Variants in MGAT4C observed in about 807,000 individuals in gnomAD.
MGAT4C encodes MGAT4 family member C.
MGAT4C carries 19 observed loss-of-function variants against 40.1 expected under a neutral mutation model. The ratio of observed to expected loss-of-function variants is 0.47; its 90% CI spans 0.33 to 0.70. The LOEUF (loss-of-function observed/expected upper bound fraction) is 0.70, where lower values mean the gene tolerates loss of function less well. Ranked by LOEUF, MGAT4C falls within the 30% of genes least tolerant of loss-of-function variation. MGAT4C has a pLI of 0.02. For synonymous variants in MGAT4C, 181 were observed against 187.1 expected, an observed-to-expected ratio of 0.97 and a Z score of 0.27; for missense variants, 491 against 563.2, an observed-to-expected ratio of 0.87 and a Z score of 1.30.
chr12:86,493,262 A>G (rs966136938), intron 2 of MGAT4C, among the ~76,000 whole-genome samples: 1 of 151,634 alleles, frequency 6.6e-6, no homozygotes, highest in Non-Finnish European at 1.5e-5. Flanking sequence ...ATCTAGAACT[A>G]GAAATACCAT....
intron 4 of MGAT4C, among the ~76,000 whole-genome samples, chr12:86,263,825 T>C (rs1952719270): frequency 6.6e-6 from 1 of 152,216 alleles, no homozygotes; most frequent in Admixed American, 6.5e-5. Flanking sequence ...CTCTAAATTC[T>C]CACTAAAATC....
At chr12:86,393,723 T>G (rs1472432825) in intron 3 of MGAT4C, among the ~76,000 whole-genome samples, 1 of 152,168 alleles carries the variant, frequency 6.6e-6, no homozygotes, top group Non-Finnish European at 1.5e-5. Context: ...TCTCAATGGG[T>G]GGCAGTGCTG....
At chr12:86,433,465 T>G (rs1957081234) in intron 3 of MGAT4C, among the ~76,000 whole-genome samples, 1 of 151,972 alleles carries the variant, frequency 6.6e-6, no homozygotes, top group Non-Finnish European at 1.5e-5. Context: ...GCTTGCTGCA[T>G]GTGCCTATTG....
At chr12:86,378,604 A>C (rs1161231585) in intron 3 of MGAT4C, among the ~76,000 whole-genome samples, 1 of 152,198 alleles carries the variant, frequency 6.6e-6, no homozygotes, top group East Asian at 1.9e-4. Context: ...AGTTCTCTTA[A>C]TGTTAATGAG....
intron 2 of MGAT4C, among the ~76,000 whole-genome samples, chr12:86,526,344 C>T (rs907908093): frequency 1.3e-5 from 2 of 152,114 alleles, no homozygotes; most frequent in South Asian, 2.1e-4. Flanking sequence ...GGCAGGGCAG[C>T]GTGCATGTAC....
chr12:86,761,978 G>T (rs930936459), intron 1 of MGAT4C, among the ~76,000 whole-genome samples: 11 of 151,892 alleles, frequency 7.2e-5, no homozygotes, highest in Non-Finnish European at 1.0e-4. Flanking sequence ...GCATTATTTA[G>T]CCTGCCACAA....
At chr12:86,079,345 T>C (rs1285608515) in intron 1 of MGAT4C, among the ~76,000 whole-genome samples, 2 of 152,190 alleles carry the variant, frequency 1.3e-5, no homozygotes, top group African/African-American at 4.8e-5. Context: ...TTTCTCCTTT[T>C]AATTCATTTA....
intron 2 of MGAT4C, among the ~76,000 whole-genome samples, chr12:86,461,525 G>A (rs1447110050): frequency 6.6e-6 from 1 of 152,088 alleles, no homozygotes; most frequent in Non-Finnish European, 1.5e-5. Context: ...GATTACAGGC[G>A]TGAGCCACTG....
At chr12:86,285,096 C>A (rs1411923371) in intron 4 of MGAT4C, among the ~76,000 whole-genome samples, 1 of 151,900 alleles carries the variant, frequency 6.6e-6, no homozygotes, top group South Asian at 2.1e-4. Context: ...TGAGATCAAA[C>A]ACATTTAAAT....
chr12:86,184,667 C>T (rs918779084), intron 1 of MGAT4C, among the ~76,000 whole-genome samples: 2 of 131,702 alleles, frequency 1.5e-5, no homozygotes. Context: ...TCCTTTCTCT[C>T]TTTGTTGGTT....
chr12:86,821,269 G>A (rs1952700900), intron 1 of MGAT4C, among the ~76,000 whole-genome samples: 1 of 150,606 alleles, frequency 6.6e-6, no homozygotes, highest in Non-Finnish European at 1.5e-5. Context: ...TCCTGTCCAG[G>A]TACTTTATAA....
intron 2 of MGAT4C, among the ~76,000 whole-genome samples, chr12:86,665,540 C>A (rs373895420): frequency 6.6e-6 from 1 of 151,994 alleles, no homozygotes; most frequent in Non-Finnish European, 1.5e-5. Context: ...CCATGCCCAG[C>A]TAATTTTTTT....
intron 1 of MGAT4C, among the ~76,000 whole-genome samples, chr12:86,814,490 T>C (rs1952561566): frequency 6.6e-6 from 1 of 151,094 alleles, no homozygotes; most frequent in African/African-American, 2.4e-5. Flanking sequence ...CCAATTCTCT[T>C]ATAATTATAT....
At chr12:86,578,294 T>C (rs144080937) in intron 2 of MGAT4C, among the ~76,000 whole-genome samples, 13 of 151,994 alleles carry the variant, frequency 8.6e-5, no homozygotes, top group African/African-American at 2.9e-4. Context: ...ATCAGAAATA[T>C]AGACTTCACC....
chr12:85,983,456 G>C, intron 4 of MGAT4C, 67 bp downstream of exon 4: 1 of 1,354,366 alleles, frequency 7.4e-7, no homozygotes, highest in Non-Finnish European at 9.8e-7. Flanking sequence ...CTATACATGT[G>C]AAACTATCAT....
chr12:86,687,378 G>C (rs1950092623), intron 2 of MGAT4C, among the ~76,000 whole-genome samples: 1 of 152,062 alleles, frequency 6.6e-6, no homozygotes, highest in East Asian at 1.9e-4. Context: ...TCTTCTGCTA[G>C]CTTTTGAATT....
At chr12:86,739,826 G>C (rs949244531) in intron 1 of MGAT4C, among the ~76,000 whole-genome samples, 1 of 150,462 alleles carries the variant, frequency 6.6e-6, no homozygotes, top group Admixed American at 6.7e-5. Context: ...GTGCGTGTGT[G>C]TGTATATATA....
chr12:86,112,446 G>C (rs947627584), intron 1 of MGAT4C, among the ~76,000 whole-genome samples: 1 of 151,664 alleles, frequency 6.6e-6, no homozygotes, highest in African/African-American at 2.4e-5. Flanking sequence ...GTGGCAGACA[G>C]CATTGCCCCC....
Position 86,627,252 on chromosome 12 carries a change from C to T in MGAT4C, c.-229+99957G>A, listed in dbSNP as rs150863952. ...CTCGGTGGAGCCCACCACAGCTCAG[C>T]GAGGCTCACCTGCCTCTGTAGACTC... is the stretch of plus-strand genomic sequence containing the variant. On this transcript the variant is annotated intron_variant, in intron 2 of 7. Coordinates refer to the MGAT4C transcript ENST00000548651. 3.5e-3 allele frequency among the ~76,000 whole-genome samples: 530 copies of T among 152,152 alleles called. 3 individuals carry two copies. The highest frequency in any genetic ancestry group is 0.012 in the African/African-American group (508 of 41,516).
Sources: gnomAD v4.1 joint callset for allele counts (sites outside exome capture counted in the v4.1 genomes callset) on GRCh38, gnomAD v4.1.1 for gene constraint, MANE v1.5 for transcripts, NCBI Gene and HGNC (gene_info 2026-07-23, HGNC 2026-07-21) for gene names.